Variants in TCF4 observed in about 807,000 individuals in gnomAD.
TCF4 encodes the protein SL3-3 enhancer factor 2.
TCF4 carries 3 observed loss-of-function variants against 82.1 expected under a neutral mutation model. The ratio of observed to expected loss-of-function variants is 0.04; its 90% CI spans 0.02 to 0.09. The LOEUF (loss-of-function observed/expected upper bound fraction) is 0.09, where lower values mean the gene tolerates loss of function less well. TCF4 is among the 10% of genes least tolerant of loss of function. TCF4 has a pLI of 1.00. For missense variants in TCF4, 518 were observed against 852.7 expected, an observed-to-expected ratio of 0.61 and a Z score of 4.89; for synonymous variants, 276 against 309.6, an observed-to-expected ratio of 0.89 and a Z score of 1.14.
At chr18:55,405,390 A>G (rs1409635633) in intron 5 of TCF4, among the ~76,000 whole-genome samples, 1 of 152,210 alleles carries the variant, frequency 6.6e-6, no homozygotes, top group Non-Finnish European at 1.5e-5. Flanking sequence ...AGATGGATAA[A>G]GTAGAATCTG....
At chr18:55,602,230 A>G (rs2097697845) in intron 2 of TCF4, among the ~76,000 whole-genome samples, 1 of 152,198 alleles carries the variant, frequency 6.6e-6, no homozygotes, top group Non-Finnish European at 1.5e-5. Flanking sequence ...AAATTAAGTA[A>G]CTTGCTCAAT....
chr18:55,330,261 A>C (rs1172837284), intron 8 of TCF4, among the ~76,000 whole-genome samples: 1 of 146,180 alleles, frequency 6.8e-6, no homozygotes, highest in Non-Finnish European at 1.5e-5. Context: ...GCTCACTGCA[A>C]CCTCTACCTC....
At chr18:55,450,104 T>C (rs905355243) in intron 5 of TCF4, among the ~76,000 whole-genome samples, 2 of 152,184 alleles carry the variant, frequency 1.3e-5, no homozygotes, top group Non-Finnish European at 2.9e-5. Flanking sequence ...CTAAAGAAAC[T>C]TGCCCAAGGT....
At chr18:55,326,135 A>G (rs748391976) in intron 8 of TCF4, among the ~76,000 whole-genome samples, 28 of 152,192 alleles carry the variant, frequency 1.8e-4, no homozygotes, top group African/African-American at 6.8e-4. Flanking sequence ...GGGTGTGAGC[A>G]AAGTTATTAA....
At chr18:55,400,880 T>C in intron 6 of TCF4, 1 of 1,028,848 alleles carries the variant, frequency 9.7e-7, no homozygotes, top group Non-Finnish European at 1.3e-6. Context: ...TACACTGTTA[T>C]AATACGATAA....
intron 5 of TCF4, among the ~76,000 whole-genome samples, chr18:55,411,498 A>G (rs2094343031): frequency 6.6e-6 from 1 of 152,256 alleles, no homozygotes; most frequent in East Asian, 1.9e-4. Flanking sequence ...ATCTTGCAAT[A>G]CATGCTAAAG....
chr18:55,314,602 A>ATCC (rs1288273354), intron 8 of TCF4, among the ~76,000 whole-genome samples: 1 of 151,578 alleles, frequency 6.6e-6, no homozygotes, highest in East Asian at 1.9e-4. Context: ...TCTAGGAGAA[A>ATCC]GGGAGTACAG....
chr18:55,500,092 G>C (rs577105949), intron 3 of TCF4, among the ~76,000 whole-genome samples: 1 of 152,252 alleles, frequency 6.6e-6, no homozygotes, highest in South Asian at 2.1e-4. Context: ...TGAGGCAGGA[G>C]AATTGCTTGA....
chr18:55,548,346 G>A (rs139289383), intron 3 of TCF4, among the ~76,000 whole-genome samples: 1 of 152,180 alleles, frequency 6.6e-6, no homozygotes, highest in Admixed American at 6.5e-5. Flanking sequence ...TAGCCACACA[G>A]ATCTTGCCAA....
chr18:55,500,024 A>C (rs1015912298), intron 3 of TCF4, among the ~76,000 whole-genome samples: 1 of 151,858 alleles, frequency 6.6e-6, no homozygotes, highest in African/African-American at 2.4e-5. Context: ...CTCTACTAAA[A>C]ATACAAAAAT....
chr18:55,523,112 T>C (rs1181266782), intron 3 of TCF4, among the ~76,000 whole-genome samples: 2 of 152,080 alleles, frequency 1.3e-5, no homozygotes, highest in Non-Finnish European at 1.5e-5. Context: ...AAGTTAGCTA[T>C]TGTATTAAAA....
intron 2 of TCF4, among the ~76,000 whole-genome samples, chr18:55,628,467 CT>C (rs1392062131): frequency 6.6e-6 from 1 of 152,048 alleles, no homozygotes; most frequent in Non-Finnish European, 1.5e-5. Context: ...ACCACTTAAT[CT>C]TTTTAATAAT....
intron 2 of TCF4, 191 bp downstream of exon 2, chr18:55,586,854 A>AG: frequency 1.9e-6 from 1 of 530,292 alleles, no homozygotes; most frequent in Non-Finnish European, 3.4e-6. Context: ...AAAAAAAAAA[A>AG]GCCTGAATCT....
intron 3 of TCF4, among the ~76,000 whole-genome samples, chr18:55,567,156 A>G (rs1006329271): frequency 2.6e-5 from 4 of 152,228 alleles, no homozygotes; most frequent in African/African-American, 9.6e-5. Context: ...ACAGATATAT[A>G]GACAAATACT....
intron 5 of TCF4, among the ~76,000 whole-genome samples, chr18:55,453,947 C>A (rs2095679851): frequency 6.6e-6 from 1 of 152,044 alleles, no homozygotes; most frequent in Admixed American, 6.6e-5. Flanking sequence ...GTAGTGACCT[C>A]AACCTCCCAG....
At chr18:55,318,071 T>C (rs916490121) in intron 8 of TCF4, among the ~76,000 whole-genome samples, 3 of 152,154 alleles carry the variant, frequency 2.0e-5, no homozygotes, top group African/African-American at 7.2e-5. Flanking sequence ...GTTTAACACA[T>C]GCACATGCTG....
At chr18:55,630,126 A>G (rs1249475981) in intron 2 of TCF4, among the ~76,000 whole-genome samples, 1 of 152,186 alleles carries the variant, frequency 6.6e-6, no homozygotes, top group Non-Finnish European at 1.5e-5. Context: ...TTTTTTAAAA[A>G]TTACTATATC....
chr18:55,394,463 G>A (rs978774652), intron 6 of TCF4, among the ~76,000 whole-genome samples: 2 of 152,140 alleles, frequency 1.3e-5, no homozygotes, highest in Admixed American at 1.3e-4. Flanking sequence ...TCTTCTAAAA[G>A]GAGAGGAAAA....
rs1377038603 is a variant in TCF4 at position 55,370,102 on chromosome 18, C to T, written c.370-19099G>A. Among the ~76,000 whole-genome samples the T allele has an allele frequency of 2.0e-5, 3 of 152,168 alleles. No individual in the cohort carries two copies. The East Asian group carries it at 5.8e-4, about 29-fold the overall frequency. On this transcript the variant is annotated intron_variant, in intron 6 of 19. Coordinates refer to ENST00000354452, the MANE Select transcript of TCF4 (RefSeq NM_001083962.2). ...CAGTCTGACCCCAATCTCAATATTA[C>T]GTTAAAAAGAGAAGGCCGGGCGCAA...
Sources: allele counts gnomAD v4.1 joint callset (sites outside exome capture counted in the v4.1 genomes callset), GRCh38; gene constraint gnomAD v4.1.1; transcripts MANE v1.5; gene names NCBI Gene and HGNC (gene_info 2026-07-23, HGNC 2026-07-21).